Variants in SNX14 observed in about 807,000 individuals in gnomAD.
SNX14 encodes the protein sorting nexin-14.
In SNX14, 93 loss-of-function variants were observed where a neutral mutation model predicts 133.8. The ratio of observed to expected loss-of-function variants is 0.70; its 90% CI spans 0.59 to 0.83. The LOEUF is 0.83. SNX14 is among the 40% of genes least tolerant of loss of function. SNX14 has a pLI of 0.00. For missense variants in SNX14, 945 were observed against 1,094.9 expected, an observed-to-expected ratio of 0.86 and a Z score of 1.93; for synonymous variants, 368 against 365.6, an observed-to-expected ratio of 1.01 and a Z score of -0.07.
At position 85,528,081 on chromosome 6, in the gene SNX14, G is replaced by A. The variant is rs114385487; in HGVS notation, c.1995+181C>T. 0.016 allele frequency among the ~76,000 whole-genome samples: 2,449 copies of A among 151,252 alleles called. 73 individuals carry two copies. The highest frequency in any genetic ancestry group is 0.056 in the African/African-American group (2,301 of 41,172). Reference sequence around the variant, plus strand: ...TGCATTTCATTCAATTTGGAGGGAGGGTAAGTAATATACTTTTGACAAAAA... The same window carrying A: ...TGCATTTCATTCAATTTGGAGGGAGAGTAAGTAATATACTTTTGACAAAAA... On this transcript the variant is annotated intron_variant, in intron 20 of 28. Coordinates refer to ENST00000314673, the MANE Select transcript of SNX14 (RefSeq NM_153816.6).
At chr6:85,515,252 G>A (rs1774451805) in intron 23 of SNX14, among the ~76,000 whole-genome samples, 1 of 101,820 alleles carries the variant, frequency 9.8e-6, no homozygotes, top group African/African-American at 4.2e-5. Flanking sequence ...GGGTGACAGA[G>A]CAAGACCGTC....
At chr6:85,551,423 A>G (rs1787806391) in intron 7 of SNX14, among the ~76,000 whole-genome samples, 1 of 152,194 alleles carries the variant, frequency 6.6e-6, no homozygotes, top group South Asian at 2.1e-4. Flanking sequence ...CCTGGAAACC[A>G]ACCAATCAGG....
intron 1 of SNX14, among the ~76,000 whole-genome samples, chr6:85,592,867 G>T (rs1397529108): frequency 6.6e-6 from 1 of 151,636 alleles, no homozygotes; most frequent in Non-Finnish European, 1.5e-5. Flanking sequence ...GCGTGGTAGC[G>T]TGGTGGCGTG....
chr6:85,521,307 C>T (rs573505701), intron 21 of SNX14, among the ~76,000 whole-genome samples: 61 of 152,090 alleles, frequency 4.0e-4, no homozygotes, highest in Non-Finnish European at 7.6e-4. Flanking sequence ...GCTCATAGCT[C>T]ACTGTAACCT....
At chr6:85,539,638 C>T (rs763829622) in intron 15 of SNX14, among the ~76,000 whole-genome samples, 82 of 152,094 alleles carry the variant, frequency 5.4e-4, no homozygotes, top group African/African-American at 1.9e-3. Flanking sequence ...TGTTAAGAAA[C>T]TCTTTTAACT....
chr6:85,528,606 T>C (rs762328603), intron 19 of SNX14, among the ~76,000 whole-genome samples: 3 of 152,208 alleles, frequency 2.0e-5, no homozygotes, highest in Non-Finnish European at 4.4e-5. Flanking sequence ...GACACAGATT[T>C]TTTGGCTTTC....
At chr6:85,587,838 C>T (rs1801451781) in intron 1 of SNX14, among the ~76,000 whole-genome samples, 1 of 152,198 alleles carries the variant, frequency 6.6e-6, no homozygotes, top group Non-Finnish European at 1.5e-5. Flanking sequence ...GAGCAATTAT[C>T]ATTAAAGAAA....
intron 21 of SNX14, among the ~76,000 whole-genome samples, chr6:85,522,254 G>C (rs1233214472): frequency 6.6e-6 from 1 of 152,114 alleles, no homozygotes; most frequent in Non-Finnish European, 1.5e-5. Context: ...GATCAGTTTG[G>C]GGATCTCTGT....
intron 1 of SNX14, among the ~76,000 whole-genome samples, chr6:85,580,587 C>G (rs1249806238): frequency 6.6e-6 from 1 of 152,118 alleles, no homozygotes; most frequent in Non-Finnish European, 1.5e-5. Context: ...CTAGACCTAC[C>G]CTGGGCCAAA....
intron 15 of SNX14, among the ~76,000 whole-genome samples, chr6:85,541,604 T>G (rs888952550): frequency 3.3e-5 from 5 of 152,130 alleles, no homozygotes; most frequent in Non-Finnish European, 5.9e-5. Context: ...AAGAAAGAAA[T>G]AAACATCCCT....
intron 21 of SNX14, among the ~76,000 whole-genome samples, chr6:85,519,537 G>A (rs768825177): frequency 6.6e-6 from 1 of 152,148 alleles, no homozygotes; most frequent in Admixed American, 6.5e-5. Context: ...GCTGAGGCAG[G>A]AAGGATCACT....
chr6:85,565,460 A>C (rs760770633), intron 5 of SNX14, 41 bp from the exon 6 acceptor site: 4 of 1,454,366 alleles, frequency 2.8e-6, no homozygotes, highest in South Asian at 2.5e-5. Context: ...AGTTCAGAGA[A>C]ATACAGTTTC....
intron 6 of SNX14, among the ~76,000 whole-genome samples, chr6:85,563,216 CTTTAT>C (rs1792371541): frequency 6.6e-6 from 1 of 151,878 alleles, no homozygotes; most frequent in Non-Finnish European, 1.5e-5. Context: ...CAAGATTAAT[CTTTAT>C]TTTATTACTA....
chr6:85,506,041 G>C (rs371157640), intron 28 of SNX14, 36 bp from the exon 29 acceptor site: 70 of 1,385,740 alleles, frequency 5.1e-5, no homozygotes, highest in Non-Finnish European at 6.7e-5. Context: ...TAGAAGACAA[G>C]ACACAGGTTC....
At chr6:85,550,970 A>G (rs1444908232) in intron 7 of SNX14, among the ~76,000 whole-genome samples, 2 of 151,558 alleles carry the variant, frequency 1.3e-5, no homozygotes, top group East Asian at 3.9e-4. Context: ...TTGTAGAGAC[A>G]GGGTTTCACC....
At chr6:85,584,015 T>C (rs1007825306) in intron 1 of SNX14, among the ~76,000 whole-genome samples, 3 of 152,194 alleles carry the variant, frequency 2.0e-5, no homozygotes, top group Non-Finnish European at 4.4e-5. Flanking sequence ...AAGGCTACAG[T>C]AACCAAAACA....
At chr6:85,535,970 A>G (rs1012770213) in intron 17 of SNX14, among the ~76,000 whole-genome samples, 3 of 152,118 alleles carry the variant, frequency 2.0e-5, no homozygotes, top group Non-Finnish European at 4.4e-5. Flanking sequence ...AGAATCCAAG[A>G]TCTCTATTCA....
In SNX14 at chr6:85,593,815, G is replaced by A; in HGVS notation, c.-97C>T. Reference sequence around the variant, plus strand: ...CGCGTCCCCGCCCCACCGACTTGGCGGCGCACACAGACGCCTACCGGCAGT... The same window carrying A: ...CGCGTCCCCGCCCCACCGACTTGGCAGCGCACACAGACGCCTACCGGCAGT... On this transcript the variant is annotated 5_prime_UTR_variant, in exon 1 of 29. Coordinates refer to ENST00000314673, the MANE Select transcript of SNX14 (RefSeq NM_153816.6). 1.3e-6 allele frequency: 2 copies of A among 1,571,986 alleles called. No homozygotes were observed. The highest frequency in any genetic ancestry group is 1.8e-5 in the Admixed American group (1 of 56,136).
chr6:85,505,706 G>A lies in SNX14; in HGVS notation c.*261C>T. 4 of 427,702 alleles carry A rather than the reference G, an allele frequency of 9.4e-6. No individual in the cohort carries two copies. In the Admixed American group the frequency reaches 1.7e-4, roughly 18 times the overall value. The allele number at this position is 427,702 out of a possible 1,614,324, so 26.5% of individuals were successfully genotyped here. A position where few individuals can be genotyped will look rare whatever the true frequency, so the allele number is the denominator to read the frequency against. The stretch of plus-strand genomic sequence containing the variant: ...TATCTGTTTGCCATAACATCATTAT[G>A]AATTTTCTCTTTTAAAAATGGCAAT... On this transcript the variant is annotated 3_prime_UTR_variant, in exon 29 of 29. Coordinates refer to ENST00000314673, the MANE Select transcript of SNX14 (RefSeq NM_153816.6).
Sources: allele counts gnomAD v4.1 joint callset (sites outside exome capture counted in the v4.1 genomes callset), GRCh38; gene constraint gnomAD v4.1.1; transcripts MANE v1.5; gene names NCBI Gene and HGNC (gene_info 2026-07-23, HGNC 2026-07-21).